The following CCDC50 variants were observed in gnomAD, a reference collection of about 807,000 sequenced individuals.
CCDC50 encodes coiled-coil domain containing 50.
A neutral mutation model predicts 70.2 loss-of-function variants in CCDC50; 54 were observed. The observed-to-expected ratio is 0.77, with a 90% CI of 0.62 to 0.96. CCDC50 has a LOEUF of 0.96. Among genes scored for constraint, CCDC50 ranks in the 50% least tolerant of loss-of-function variants. The probability of loss-of-function intolerance (pLI) is 0.00; values close to 1 mark genes in which losing one functional copy is unlikely to be tolerated. For missense variants in CCDC50, 558 were observed against 578.7 expected, an observed-to-expected ratio of 0.96 and a Z score of 0.37; for synonymous variants, 216 against 198.8, an observed-to-expected ratio of 1.09 and a Z score of -0.73.
chr3:191,379,267 A>C (rs1480576128), intron 6 of CCDC50, among the ~76,000 whole-genome samples: 1 of 152,072 alleles, frequency 6.6e-6, no homozygotes, highest in Non-Finnish European at 1.5e-5. Context: ...TACGTGTTCA[A>C]AGCACCCTCA....
intron 5 of CCDC50, chr3:191,370,246 G>T (rs932876896): frequency 5.6e-5 from 25 of 447,870 alleles, no homozygotes; most frequent in African/African-American, 4.2e-4. Flanking sequence ...TAAGTTTTAG[G>T]GTACATGTGC....
chr3:191,370,130 G>A, intron 5 of CCDC50, 94 bp downstream of exon 5: 2 of 861,174 alleles, frequency 2.3e-6, no homozygotes, highest in Non-Finnish European at 2.0e-6. Context: ...AGGGACCTGG[G>A]ACTGTTTCTC....
At chr3:191,353,453 G>T (rs190969429) in intron 1 of CCDC50, among the ~76,000 whole-genome samples, 1 of 141,836 alleles carries the variant, frequency 7.1e-6, no homozygotes, top group Admixed American at 7.2e-5. Flanking sequence ...ACAGAGAAAG[G>T]TGGGAAGATG....
intron 1 of CCDC50, among the ~76,000 whole-genome samples, chr3:191,334,485 A>G (rs1290745525): frequency 1.3e-5 from 2 of 152,154 alleles, no homozygotes; most frequent in East Asian, 3.9e-4. Context: ...GAAAGCACTA[A>G]AAACCACTGT....
At chr3:191,334,853 A>G (rs149704059) in intron 1 of CCDC50, among the ~76,000 whole-genome samples, 12 of 152,300 alleles carry the variant, frequency 7.9e-5, no homozygotes, top group African/African-American at 2.6e-4. Context: ...AGGATAATGT[A>G]TCATATGGAT....
At chr3:191,341,051 C>G (rs1711712362) in intron 1 of CCDC50, among the ~76,000 whole-genome samples, 2 of 151,618 alleles carry the variant, frequency 1.3e-5, no homozygotes, top group African/African-American at 4.9e-5. Flanking sequence ...ATCTTGAACT[C>G]CTGGCCTCAA....
intron 1 of CCDC50, among the ~76,000 whole-genome samples, chr3:191,338,293 A>G (rs749944067): frequency 1.4e-4 from 22 of 152,184 alleles, no homozygotes; most frequent in Admixed American, 1.3e-3. Context: ...TTTTTCTTTT[A>G]TATTATGAAG....
intron 1 of CCDC50, among the ~76,000 whole-genome samples, chr3:191,342,406 A>C (rs979443493): frequency 2.0e-5 from 3 of 152,178 alleles, no homozygotes; most frequent in Non-Finnish European, 4.4e-5. Context: ...AGTGCTAGCT[A>C]AAGTATCTAG....
chr3:191,347,594 C>T (rs1321818773), intron 1 of CCDC50, among the ~76,000 whole-genome samples: 1 of 142,460 alleles, frequency 7.0e-6, no homozygotes, highest in African/African-American at 2.5e-5. Flanking sequence ...TCTCAGCCAT[C>T]ATTTCTTTGT....
In CCDC50 at chr3:191,358,013, C is replaced by G. The variant is rs1172881521; in HGVS notation, c.128C>G (p.Ala43Gly). Residue 43 changes from alanine (A) to glycine (G), a missense_variant, in exon 3 of 12, where the codon GCA becomes GGA. Coordinates refer to ENST00000392455, the MANE Select transcript of CCDC50 (RefSeq NM_178335.3). Reference protein sequence around the residue: ...LQEQEIEHHLASNVQRNRLVQ... With the variant: ...LQEQEIEHHLGSNVQRNRLVQ... ...TTTGTTCCAGTTGAGCATCATTTGG[C>G]ATCGAACGTTCAGCGGAACCGTTTG... The G allele has an allele frequency of 2.5e-6, 4 of 1,613,958 alleles. No homozygotes were observed. In the Admixed American group the frequency reaches 6.7e-5, roughly 27 times the overall value.
chr3:191,379,925 T>C (rs1387174353), intron 6 of CCDC50, among the ~76,000 whole-genome samples: 1 of 152,136 alleles, frequency 6.6e-6, no homozygotes, highest in Non-Finnish European at 1.5e-5. Context: ...GAGGGGACTT[T>C]TTACCAGGCA....
chr3:191,337,403 T>TC (rs1170216945), intron 1 of CCDC50, among the ~76,000 whole-genome samples: 5 of 148,974 alleles, frequency 3.4e-5, no homozygotes, highest in East Asian at 3.9e-4. Context: ...TCTCTCTCTC[T>TC]TTTTTTTTTA....
intron 4 of CCDC50, among the ~76,000 whole-genome samples, chr3:191,361,407 C>T (rs1712482883): frequency 6.6e-6 from 1 of 152,198 alleles, no homozygotes; most frequent in Non-Finnish European, 1.5e-5. Flanking sequence ...ACTGCCGTTA[C>T]AAATTACTCT....
intron 10 of CCDC50, among the ~76,000 whole-genome samples, chr3:191,385,168 G>A (rs977104303): frequency 6.6e-6 from 1 of 152,046 alleles, no homozygotes; most frequent in Non-Finnish European, 1.5e-5. Flanking sequence ...TTTTCTTTTG[G>A]GTATATACCC....
chr3:191,370,964 C>T (rs1712893496), intron 5 of CCDC50, among the ~76,000 whole-genome samples: 1 of 152,060 alleles, frequency 6.6e-6, no homozygotes, highest in African/African-American at 2.4e-5. Flanking sequence ...TGGACTTAAC[C>T]TTTCTCAAGA....
chr3:191,329,618 G>A lies in CCDC50; in HGVS notation c.-57G>A. 6.4e-7 allele frequency: 1 copy of A among 1,569,082 alleles called. No individual in the cohort carries two copies. The highest frequency in any genetic ancestry group is 8.6e-7 in the Non-Finnish European group (1 of 1,156,592). ...GCTGCTGCGCTCGGGGCCCCGCTCG[G>A]CGCCGGCGGTGACCGGGAAGCCCGC... On this transcript the variant is annotated 5_prime_UTR_variant, in exon 1 of 12. Transcript: ENST00000392455.
intron 1 of CCDC50, among the ~76,000 whole-genome samples, chr3:191,355,927 A>G (rs1712263809): frequency 1.3e-5 from 2 of 152,194 alleles, no homozygotes; most frequent in African/African-American, 4.8e-5. Context: ...CGTGAAGGAC[A>G]CAACTAATGT....
At chr3:191,383,951 T>C (rs1199732267) in intron 10 of CCDC50, among the ~76,000 whole-genome samples, 3 of 152,176 alleles carry the variant, frequency 2.0e-5, no homozygotes, top group Admixed American at 2.0e-4. Flanking sequence ...TTATCCTTTT[T>C]TTAGTCAAAT....
intron 5 of CCDC50, among the ~76,000 whole-genome samples, chr3:191,370,737 C>T (rs1213437874): frequency 1.1e-4 from 16 of 152,226 alleles, no homozygotes; most frequent in African/African-American, 3.6e-4. Context: ...AATCCGCCCA[C>T]ATCAGCCTCC....
Sources: gnomAD v4.1 joint callset for allele counts (sites outside exome capture counted in the v4.1 genomes callset) on GRCh38, gnomAD v4.1.1 for gene constraint, MANE v1.5 for transcripts, NCBI Gene and HGNC (gene_info 2026-07-23, HGNC 2026-07-21) for gene names.